TEF: variants seen among roughly 807,000 people sequenced by gnomAD.
The protein encoded by TEF is thyrotroph embryonic factor.
A neutral mutation model predicts 20.8 loss-of-function variants in TEF; 3 were observed. The ratio of observed to expected loss-of-function variants is 0.14; its 90% CI spans 0.07 to 0.37. TEF has a LOEUF of 0.37. Ranked by LOEUF, TEF falls within the 10% of genes least tolerant of loss-of-function variation. TEF has a pLI of 1.00. For synonymous variants in TEF, 180 were observed against 171.1 expected (o/e 1.05, Z -0.41); for missense variants, 296 against 397.9 (o/e 0.74, Z 2.18).
At chr22:41,370,989 C>T (rs1457910737) in intron 1 of TEF, among the ~76,000 whole-genome samples, 3 of 152,170 alleles carry the variant, frequency 2.0e-5, no homozygotes, top group African/African-American at 7.2e-5. Flanking sequence ...GGTCTGTAGC[C>T]AAGCCCTGAC....
chr22:41,395,097 C>T (rs1446606553), intron 3 of TEF, among the ~76,000 whole-genome samples: 1 of 152,152 alleles, frequency 6.6e-6, no homozygotes, highest in Non-Finnish European at 1.5e-5. Flanking sequence ...ACTTCCGCCT[C>T]CCAGGTTCAA....
Position 41,387,541 on chromosome 22 carries a change from C to T in TEF, c.348C>T (p.His116=). 1.2e-6 allele frequency: 2 copies of T among 1,614,216 alleles called. No individual in the cohort carries two copies. Among genetic ancestry groups the T allele is most frequent in the Non-Finnish European group, 1.7e-6 (2 of 1,180,036 alleles). ...ATGGCATCCCCGCCAGCCCCACCCA[C>T]CTGGCCCACAACCTGCTGCTGCCTG... ...LENGIPASPT[H]LAHNLLLPVA... The change falls in exon 2 of 4, where the codon CAC becomes CAT. Residue 116 remains histidine (H), a synonymous_variant. Coordinates refer to ENST00000266304, the MANE Select transcript of TEF (RefSeq NM_003216.4).
upstream of TEF, among the ~76,000 whole-genome samples, chr22:41,379,192 G>A (rs911006415): frequency 6.6e-6 from 1 of 152,040 alleles, no homozygotes; most frequent in Non-Finnish European, 1.5e-5. Flanking sequence ...CAAAAAATTA[G>A]GCGGGCACGG....
upstream of TEF, among the ~76,000 whole-genome samples, chr22:41,381,031 G>A (rs2037010444): frequency 6.6e-6 from 1 of 152,212 alleles, no homozygotes; most frequent in African/African-American, 2.4e-5. Context: ...GTGGGAGGGC[G>A]GAAACATGTA....
At chr22:41,372,737 G>A (rs1336425627) in intron 1 of TEF, among the ~76,000 whole-genome samples, 1 of 152,124 alleles carries the variant, frequency 6.6e-6, no homozygotes, top group South Asian at 2.1e-4. Context: ...TTGGATTCTA[G>A]AGGGGAGAGA....
At chr22:41,394,442 GT>G in intron 3 of TEF, 126 bp downstream of exon 3, 1 of 933,720 alleles carries the variant, frequency 1.1e-6, no homozygotes, top group Non-Finnish European at 1.6e-6. Context: ...AAAGACATGA[GT>G]TTAGTGCTTA....
intron 2 of TEF, among the ~76,000 whole-genome samples, chr22:41,390,566 G>A (rs188068326): frequency 6.5e-5 from 9 of 139,074 alleles, no homozygotes; most frequent in Admixed American, 3.9e-4. Context: ...GCAGTGGTGC[G>A]ATCTCGGCTC....
chr22:41,368,465 G>A (rs1351199216), intron 1 of TEF, among the ~76,000 whole-genome samples: 1 of 152,058 alleles, frequency 6.6e-6, no homozygotes, highest in Non-Finnish European at 1.5e-5. Flanking sequence ...AGCATCACCA[G>A]GTGGCCCTGG....
intron 1 of TEF, among the ~76,000 whole-genome samples, chr22:41,385,353 T>G (rs1601820403): frequency 6.6e-6 from 1 of 151,640 alleles, no homozygotes; most frequent in African/African-American, 2.4e-5. Context: ...AGAGCGAAAC[T>G]CCTTCTCATA....
rs1355254288 is a variant in TEF, at chr22:41,381,984, T to C, written c.-61T>C. On this transcript the variant is annotated 5_prime_UTR_variant, in exon 1 of 4. Coordinates refer to ENST00000266304, the MANE Select transcript of TEF (RefSeq NM_003216.4). ...CGGCAGCTGCAGCGGGTCGCACGGC[T>C]CCGGCCCATCTCGGGGGGCGGGCGG... is the stretch of plus-strand genomic sequence containing the variant. 8.2e-7 allele frequency: 1 copy of C among 1,225,846 alleles called. No individual in the cohort carries two copies. The highest frequency in any genetic ancestry group is 1.0e-6 in the Non-Finnish European group (1 of 985,350). 75.9% of individuals were successfully genotyped at this position (1,225,846 alleles called of 1,614,324 possible). A position where few individuals can be genotyped will look rare whatever the true frequency, so the allele number is the denominator to read the frequency against.
At chr22:41,383,060 TG>T (rs2037055439) in intron 1 of TEF, 1 of 470,756 alleles carries the variant, frequency 2.1e-6, no homozygotes, top group Admixed American at 2.4e-5. Context: ...GGTGGGGTTG[TG>T]GGTGCACTGA....
chr22:41,393,041 A>G (rs1283790602), intron 2 of TEF, among the ~76,000 whole-genome samples: 1 of 151,628 alleles, frequency 6.6e-6, no homozygotes, highest in African/African-American at 2.4e-5. Context: ...TCTCAAAAGA[A>G]AAAGAAAAGT....
rs561874096 is a variant in TEF at position 41,397,498 on chromosome 22, G to T, written c.*1538G>T. 1.2e-5 allele frequency: 2 copies of T among 164,730 alleles called. No homozygotes were observed. The highest frequency in any genetic ancestry group is 2.6e-5 in the Non-Finnish European group (2 of 76,344). 10.2% of individuals were successfully genotyped at this position (164,730 alleles called of 1,614,324 possible). On this transcript the variant is annotated 3_prime_UTR_variant, in exon 4 of 4. Transcript: ENST00000266304. ...AACACTGGCTTTATTTACCGTGGTG[G>T]TTCAGAGTCCCAGGCCCTGACCTCT...
At chr22:41,367,937 T>C (rs1472677812) in intron 1 of TEF, among the ~76,000 whole-genome samples, 1 of 152,080 alleles carries the variant, frequency 6.6e-6, no homozygotes, top group Non-Finnish European at 1.5e-5. Context: ...TCCCTCCCCC[T>C]GTACGCTGGG....
intron 1 of TEF, among the ~76,000 whole-genome samples, chr22:41,370,719 G>A (rs1569250262): frequency 2.0e-5 from 3 of 152,128 alleles, no homozygotes; most frequent in Admixed American, 6.5e-5. Context: ...GCCTCATTCC[G>A]TTTTCTAGTT....
chr22:41,377,235 C>T (rs1199341466), upstream of TEF: 1 of 152,242 alleles, frequency 6.6e-6, no homozygotes, highest in Non-Finnish European at 1.5e-5. Flanking sequence ...ACATGCGAAT[C>T]TTCTCTGTAT....
intron 1 of TEF, among the ~76,000 whole-genome samples, chr22:41,372,859 C>T (rs973855465): frequency 2.6e-5 from 4 of 152,030 alleles, no homozygotes; most frequent in Non-Finnish European, 4.4e-5. Context: ...GCCAGCTACC[C>T]GAGGAACTTT....
intron 2 of TEF, among the ~76,000 whole-genome samples, chr22:41,390,175 C>T (rs544132345): frequency 4.7e-4 from 71 of 152,248 alleles, no homozygotes; most frequent in African/African-American, 1.7e-3. Flanking sequence ...CAAGTGTGAG[C>T]CACTGTGCCT....
chr22:41,378,717 CT>C (rs1308943762), upstream of TEF, among the ~76,000 whole-genome samples: 15 of 152,116 alleles, frequency 9.9e-5, no homozygotes, highest in Non-Finnish European at 1.9e-4. Flanking sequence ...GGTGATCCGC[CT>C]GCCTCAGCCT....
Sources: gnomAD v4.1 joint callset for allele counts (sites outside exome capture counted in the v4.1 genomes callset) on GRCh38, gnomAD v4.1.1 for gene constraint, MANE v1.5 for transcripts, NCBI Gene and HGNC (gene_info 2026-07-23, HGNC 2026-07-21) for gene names.